ATOSA: variants seen among roughly 807,000 people sequenced by gnomAD.
The protein encoded by ATOSA is atos homolog protein A.
the ATOSA span, among the ~76,000 whole-genome samples, chr15:52,700,298 C>T: frequency 6.6e-6 from 1 of 152,122 alleles, no homozygotes; most frequent in Admixed American, 6.5e-5. Flanking sequence ...TTCCTAAACC[C>T]ACTTATTGCC....
the ATOSA span, among the ~76,000 whole-genome samples, chr15:52,665,239 G>A: frequency 2.6e-5 from 4 of 152,314 alleles, no homozygotes; most frequent in East Asian, 5.8e-4. Context: ...GAATCTGCAT[G>A]TGTACCCCCT....
At chr15:52,607,161 G>A in the ATOSA span, among the ~76,000 whole-genome samples, 1 of 152,098 alleles carries the variant, frequency 6.6e-6, no homozygotes, top group Non-Finnish European at 1.5e-5. Flanking sequence ...CTTATTTACG[G>A]TCACTTAAGG....
chr15:52,704,861 C>G, the ATOSA span, among the ~76,000 whole-genome samples: 1 of 152,126 alleles, frequency 6.6e-6, no homozygotes, highest in Non-Finnish European at 1.5e-5. Flanking sequence ...ACAACAGACC[C>G]TGGAGAGGAT....
At chr15:52,611,396 T>C in the ATOSA span, 1 of 1,238,346 alleles carries the variant, frequency 8.1e-7, no homozygotes, top group East Asian at 2.5e-5. Context: ...CGATGTCACT[T>C]GAAGTCACAA....
At chr15:52,608,489 T>A in the ATOSA span, 1 of 1,421,708 alleles carries the variant, frequency 7.0e-7, no homozygotes, top group Non-Finnish European at 9.4e-7. Flanking sequence ...TGGGCCTTTA[T>A]AACCAGATCT....
At chr15:52,590,380 G>A in the ATOSA span, among the ~76,000 whole-genome samples, 5 of 152,150 alleles carry the variant, frequency 3.3e-5, no homozygotes, top group Non-Finnish European at 7.3e-5. Context: ...ATAACACTTG[G>A]AGAACATTTT....
chr15:52,599,302 A>C, the ATOSA span, among the ~76,000 whole-genome samples: 5 of 152,214 alleles, frequency 3.3e-5, no homozygotes, highest in Non-Finnish European at 4.4e-5. Flanking sequence ...ATTTGATGAC[A>C]AAGAGGAATA....
At chr15:52,687,279 C>T in the ATOSA span, among the ~76,000 whole-genome samples, 104 of 152,288 alleles carry the variant, frequency 6.8e-4, no homozygotes, top group African/African-American at 2.4e-3. Flanking sequence ...TTGGCGGGCG[C>T]GTGTAGTCCC....
At chr15:52,613,649 A>C in the ATOSA span, 2 of 1,607,696 alleles carry the variant, frequency 1.2e-6, no homozygotes, top group Non-Finnish European at 1.7e-6. Context: ...AAAAGATACA[A>C]AGCATTCAAC....
the ATOSA span, among the ~76,000 whole-genome samples, chr15:52,585,671 T>A: frequency 2.6e-5 from 4 of 152,200 alleles, no homozygotes; most frequent in African/African-American, 9.7e-5. Flanking sequence ...TGTATCCTGG[T>A]AAAGACTGAA....
the ATOSA span, among the ~76,000 whole-genome samples, chr15:52,600,626 G>T: frequency 2.6e-5 from 4 of 151,956 alleles, no homozygotes; most frequent in Non-Finnish European, 5.9e-5. Context: ...TTTCGAGGTG[G>T]AATTTAGAAC....
chr15:52,662,061 T>G, the ATOSA span, among the ~76,000 whole-genome samples: 1 of 152,124 alleles, frequency 6.6e-6, no homozygotes, highest in African/African-American at 2.4e-5. Flanking sequence ...TCAAAGAGGT[T>G]GGTGATTATT....
At chr15:52,696,911 A>G in the ATOSA span, among the ~76,000 whole-genome samples, 1 of 151,946 alleles carries the variant, frequency 6.6e-6, no homozygotes, top group Non-Finnish European at 1.5e-5. Flanking sequence ...GGGCTTTATC[A>G]GATAGCCAAA....
chr15:52,595,572 A>C, the ATOSA span, among the ~76,000 whole-genome samples: 2 of 152,018 alleles, frequency 1.3e-5, no homozygotes, highest in African/African-American at 4.8e-5. Flanking sequence ...GAAAATAAAA[A>C]AGCCAAAACT....
chr15:52,581,986 C>G, the ATOSA span: 1 of 541,930 alleles, frequency 1.8e-6, no homozygotes, highest in South Asian at 3.5e-5. Flanking sequence ...TTTTTCCAGT[C>G]TACATGGAAT....
At chr15:52,638,728 G>A in the ATOSA span, among the ~76,000 whole-genome samples, 3 of 151,382 alleles carry the variant, frequency 2.0e-5, no homozygotes, top group Non-Finnish European at 2.9e-5. Context: ...AGTACCACTG[G>A]GGTGGGTGGT....
At chr15:52,633,529 G>C in the ATOSA span, among the ~76,000 whole-genome samples, 4 of 152,176 alleles carry the variant, frequency 2.6e-5, no homozygotes, top group East Asian at 7.7e-4. Flanking sequence ...GCAAAAGAAA[G>C]AGAAGGGGAG....
the ATOSA span, among the ~76,000 whole-genome samples, chr15:52,636,045 T>C: frequency 1.4e-5 from 2 of 146,308 alleles, no homozygotes; most frequent in African/African-American, 5.0e-5. Flanking sequence ...ATATATATTA[T>C]TAATAAATTT....
chr15:52,643,741 C>G, the ATOSA span, among the ~76,000 whole-genome samples: 1 of 151,986 alleles, frequency 6.6e-6, no homozygotes, highest in Non-Finnish European at 1.5e-5. Flanking sequence ...TGGCAAAACC[C>G]GTCTCTACTG....
Sources: allele counts gnomAD v4.1 joint callset (sites outside exome capture counted in the v4.1 genomes callset), GRCh38; gene constraint gnomAD v4.1.1; transcripts MANE v1.5; gene names NCBI Gene and HGNC (gene_info 2026-07-23, HGNC 2026-07-21).